The following AFF2 variants were observed in gnomAD, a reference collection of about 807,000 sequenced individuals.
AFF2 encodes ALF transcription elongation factor 2.
In AFF2, 14 loss-of-function variants were observed where a neutral mutation model predicts 76.9. The observed-to-expected ratio is 0.18, with a 90% confidence interval of 0.12 to 0.28. The LOEUF is 0.28. Among genes scored for constraint, AFF2 ranks in the 10% least tolerant of loss-of-function variants. The probability of loss-of-function intolerance (pLI) is 1.00; values close to 1 mark genes in which losing one functional copy is unlikely to be tolerated. For synonymous variants in AFF2, 398 were observed against 366.7 expected (o/e 1.09, Z -0.98); for missense variants, 868 against 1,001.1 (o/e 0.87, Z 1.79).
At chrX:148,970,003 C>T (rs1271206636) in intron 15 of AFF2, among the ~76,000 whole-genome samples, 1 of 111,577 alleles carries the variant, frequency 9.0e-6, no homozygotes, top group South Asian at 3.8e-4. Context: ...GCTAGGTGAT[C>T]TCTACAGATC....
At chrX:148,707,819 T>G (rs1015985837) in intron 3 of AFF2, among the ~76,000 whole-genome samples, 6 of 111,829 alleles carry the variant, frequency 5.4e-5, no homozygotes, top group Non-Finnish European at 9.4e-5. Flanking sequence ...GTATTAGTGT[T>G]TTACTTTTGA....
At chrX:148,759,625 G>C (rs2069416913) in intron 3 of AFF2, among the ~76,000 whole-genome samples, 1 of 111,991 alleles carries the variant, frequency 8.9e-6, no homozygotes, top group African/African-American at 3.2e-5. Context: ...CACAGTGCAA[G>C]CATGGTGTTG....
At chrX:148,543,591 C>G (rs781927304) in intron 1 of AFF2, among the ~76,000 whole-genome samples, 3 of 111,902 alleles carry the variant, frequency 2.7e-5, no homozygotes, top group Non-Finnish European at 3.8e-5. Context: ...TTCCGCATGA[C>G]AGCATGCTGT....
At chrX:148,504,111 G>T (rs1226304562) in intron 1 of AFF2, among the ~76,000 whole-genome samples, 1 of 111,436 alleles carries the variant, frequency 9.0e-6, no homozygotes, top group Non-Finnish European at 1.9e-5. Context: ...TACTTGAGGT[G>T]ACTGAAGATC....
intron 16 of AFF2, among the ~76,000 whole-genome samples, chrX:148,975,726 C>A (rs1021747999): frequency 1.9e-5 from 2 of 107,105 alleles, no homozygotes; most frequent in Non-Finnish European, 3.9e-5. Context: ...GGGCGGATCA[C>A]GAGGTCAGGA....
intron 9 of AFF2, among the ~76,000 whole-genome samples, chrX:148,944,913 G>A (rs1484439126): frequency 9.0e-6 from 1 of 111,392 alleles, no homozygotes; most frequent in Non-Finnish European, 1.9e-5. Flanking sequence ...GATATGGTTT[G>A]GTGCTACATC....
intron 3 of AFF2, among the ~76,000 whole-genome samples, chrX:148,670,909 A>G (rs1466490183): frequency 8.9e-6 from 1 of 111,759 alleles, no homozygotes; most frequent in Non-Finnish European, 1.9e-5. Flanking sequence ...CATTGGCATT[A>G]GTCAAACCCA....
rs151190056 is a variant in AFF2 at position 148,553,873 on chromosome X, A to G, written c.47+52729A>G. Among the ~76,000 whole-genome samples, 1,011 of 112,220 alleles carry G rather than the reference A, an allele frequency of 9.0e-3. 14 individuals carry two copies. The highest frequency in any genetic ancestry group is 0.03 in the African/African-American group (925 of 30,874). On this transcript the variant is annotated intron_variant, in intron 1 of 20. Coordinates refer to ENST00000370460, the MANE Select transcript of AFF2 (RefSeq NM_002025.4). ...GGAAGAACTTATAAGTCAGTGGAAG[A>G]CACTTCCAGACACCTTTAAAAACTA... is the stretch of plus-strand genomic sequence containing the variant.
chrX:148,707,187 C>T (rs1557262465), intron 3 of AFF2, among the ~76,000 whole-genome samples: 1 of 111,809 alleles, frequency 8.9e-6, no homozygotes, highest in Non-Finnish European at 1.9e-5. Flanking sequence ...TACAGAGACA[C>T]CATCTAATTC....
chrX:148,932,997 G>A (rs1213506723), intron 9 of AFF2, among the ~76,000 whole-genome samples: 2 of 112,136 alleles, frequency 1.8e-5, no homozygotes, highest in African/African-American at 3.2e-5. Context: ...ATATTGGAAG[G>A]TGATAAATAT....
chrX:148,816,449 G>A (rs1557272165), intron 4 of AFF2, among the ~76,000 whole-genome samples: 1 of 111,642 alleles, frequency 9.0e-6, no homozygotes, highest in Non-Finnish European at 1.9e-5. Flanking sequence ...ATTTTGTGAA[G>A]GTCAAACAGG....
chrX:148,767,999 G>T lies in AFF2; in HGVS notation c.1042-41877G>T, dbSNP rs149032103. On this transcript the variant is annotated intron_variant, in intron 3 of 20. Coordinates refer to ENST00000370460, the MANE Select transcript of AFF2 (RefSeq NM_002025.4). ...GAACTCTTACATACTATGGCCATCC[G>T]CCCTGGGAGGCTGACTGGTGCCTAC... Among the ~76,000 whole-genome samples, 712 of 108,172 alleles carry T rather than the reference G, an allele frequency of 6.6e-3. 7 individuals carry two copies. The highest frequency in any genetic ancestry group is 0.023 in the African/African-American group (669 of 29,702). The allele number at this position is 108,172 out of a possible 115,157, so 93.9% of individuals were successfully genotyped here.
intron 1 of AFF2, among the ~76,000 whole-genome samples, chrX:148,613,545 A>G (rs2053754650): frequency 9.0e-6 from 1 of 111,631 alleles, no homozygotes; most frequent in African/African-American, 3.3e-5. Flanking sequence ...ATCTGCCTAA[A>G]GAGTTCAATA....
chrX:148,558,494 T>C, intron 1 of AFF2, among the ~76,000 whole-genome samples: 1 of 111,561 alleles, frequency 9.0e-6, no homozygotes, highest in Non-Finnish European at 1.9e-5. Context: ...ATATAGCTGC[T>C]CTGTCACTGA....
chrX:148,880,360 C>T (rs2071083397), intron 7 of AFF2, among the ~76,000 whole-genome samples: 1 of 111,708 alleles, frequency 9.0e-6, no homozygotes, highest in African/African-American at 3.3e-5. Context: ...GTGGAGACTA[C>T]AAAGCACTAG....
intron 3 of AFF2, among the ~76,000 whole-genome samples, chrX:148,715,946 T>C (rs2055020606): frequency 8.9e-6 from 1 of 111,954 alleles, no homozygotes; most frequent in African/African-American, 3.2e-5. Flanking sequence ...TTGTCCCTTC[T>C]CCTGCTTTTG....
chrX:148,905,394 T>C (rs1557281330), intron 9 of AFF2, among the ~76,000 whole-genome samples: 1 of 112,083 alleles, frequency 8.9e-6, no homozygotes, highest in Non-Finnish European at 1.9e-5. Flanking sequence ...GCTGAGGTTT[T>C]GTCAGGTCGT....
Position 148,967,671 on chromosome X carries a change from G to A in AFF2, c.3246G>A (p.Leu1082=), listed in dbSNP as rs781963151. 2 of 1,209,910 alleles carry A rather than the reference G, an allele frequency of 1.7e-6. No homozygotes were observed. The highest frequency in any genetic ancestry group is 5.9e-5 in the East Asian group (2 of 33,813). Residue 1082 remains leucine, a synonymous_variant, in exon 15 of 21, where the codon CTG becomes CTA. Transcript: ENST00000370460. ...ATTACATGCAAGAAGCTAAGAAGCT[G>A]AAGCACAAAGCTGATGCACTGGTAA... ...ADYYMQEAKK[L]KHKADALFEK...
chrX:148,819,005 T>C (rs1285432053), intron 4 of AFF2, among the ~76,000 whole-genome samples: 1 of 110,997 alleles, frequency 9.0e-6, no homozygotes, highest in Non-Finnish European at 1.9e-5. Context: ...ATACTAATAG[T>C]AGTACCACTT....
Sources: gnomAD v4.1 joint callset for allele counts (sites outside exome capture counted in the v4.1 genomes callset) on GRCh38, gnomAD v4.1.1 for gene constraint, MANE v1.5 for transcripts, NCBI Gene and HGNC (gene_info 2026-07-23, HGNC 2026-07-21) for gene names.